Variants in PLD5 observed in about 807,000 individuals in gnomAD.
The protein encoded by PLD5 is inactive phospholipase D5.
A neutral mutation model predicts 61.1 loss-of-function variants in PLD5; 36 were observed. That is an observed-to-expected ratio of 0.59 (90% CI 0.45 to 0.78). The LOEUF (loss-of-function observed/expected upper bound fraction) is 0.78. Among genes scored for constraint, PLD5 ranks in the 30% least tolerant of loss-of-function variants. The pLI, the probability that PLD5 is intolerant of heterozygous loss-of-function variation, is 0.00. For synonymous variants in PLD5, 243 were observed against 242.8 expected (o/e 1.00, Z -0.01); for missense variants, 515 against 644.4 (o/e 0.80, Z 2.17).
intron 5 of PLD5, among the ~76,000 whole-genome samples, chr1:242,204,372 T>C (rs1044351945): frequency 8.5e-5 from 13 of 152,220 alleles, no homozygotes; most frequent in African/African-American, 2.7e-4. Flanking sequence ...AATAAAGCTC[T>C]ATAGCATTCA....
chr1:242,279,193 G>C (rs1674577730), intron 3 of PLD5, among the ~76,000 whole-genome samples: 1 of 152,202 alleles, frequency 6.6e-6, no homozygotes, highest in Non-Finnish European at 1.5e-5. Context: ...GCAATCACAG[G>C]ATTAATTTGA....
At chr1:242,223,565 A>G (rs1001149285) in intron 4 of PLD5, among the ~76,000 whole-genome samples, 13 of 152,204 alleles carry the variant, frequency 8.5e-5, no homozygotes, top group Non-Finnish European at 1.6e-4. Flanking sequence ...ATTCCCATTT[A>G]TTGAATACCT....
chr1:242,510,717 C>T (rs747101222), intron 1 of PLD5, among the ~76,000 whole-genome samples: 22 of 151,854 alleles, frequency 1.4e-4, no homozygotes, highest in African/African-American at 3.9e-4. Context: ...GGGTGGCAGG[C>T]GCCTGTAGTC....
chr1:242,424,678 C>A (rs1039708194), intron 1 of PLD5, among the ~76,000 whole-genome samples: 1 of 152,132 alleles, frequency 6.6e-6, no homozygotes, highest in Non-Finnish European at 1.5e-5. Context: ...TCATGGCCTT[C>A]GTTTAGAAAC....
At chr1:242,395,037 G>GAATATATATGATTATATGAATA (rs1354501458) in intron 1 of PLD5, among the ~76,000 whole-genome samples, 1 of 47,858 alleles carries the variant, frequency 2.1e-5, no homozygotes, top group Non-Finnish European at 3.8e-5. Flanking sequence ...ATATATGAAT[G>GAATATATATGATTATATGAATA]TATATGTATA....
chr1:242,240,431 G>A (rs997363887), intron 4 of PLD5, among the ~76,000 whole-genome samples: 2 of 152,178 alleles, frequency 1.3e-5, no homozygotes, highest in Non-Finnish European at 2.9e-5. Context: ...CACAGTCTGG[G>A]CAGTTAATGA....
intron 5 of PLD5, among the ~76,000 whole-genome samples, chr1:242,159,260 T>C (rs1452106387): frequency 6.6e-6 from 1 of 152,196 alleles, no homozygotes; most frequent in Non-Finnish European, 1.5e-5. Flanking sequence ...AAGATTTCAG[T>C]TGGGTTTGGG....
chr1:242,176,384 T>G (rs141325571), intron 5 of PLD5, among the ~76,000 whole-genome samples: 1 of 152,222 alleles, frequency 6.6e-6, no homozygotes, highest in Non-Finnish European at 1.5e-5. Context: ...GCTAGCCATA[T>G]GCAGAAAACT....
At chr1:242,486,519 T>C (rs957393778) in intron 1 of PLD5, among the ~76,000 whole-genome samples, 1 of 152,188 alleles carries the variant, frequency 6.6e-6, no homozygotes, top group Non-Finnish European at 1.5e-5. Flanking sequence ...AGATACCATC[T>C]CACACCAGTT....
At chr1:242,106,913 C>T (rs1661101108) in intron 8 of PLD5, among the ~76,000 whole-genome samples, 1 of 152,118 alleles carries the variant, frequency 6.6e-6, no homozygotes. Flanking sequence ...TGCACCAAGT[C>T]TGGGGTGGAG....
At chr1:242,122,055 G>A (rs756371363) in intron 6 of PLD5, among the ~76,000 whole-genome samples, 7 of 152,084 alleles carry the variant, frequency 4.6e-5, no homozygotes, top group East Asian at 1.9e-4. Flanking sequence ...AAACCTGCAC[G>A]TTGTGCACAT....
chr1:242,339,207 A>C (rs1167711343), intron 2 of PLD5, among the ~76,000 whole-genome samples: 1 of 152,112 alleles, frequency 6.6e-6, no homozygotes, highest in Non-Finnish European at 1.5e-5. Flanking sequence ...ACTATCACCC[A>C]CTTAAAAAAA....
chr1:242,215,109 T>G (rs1050200285), intron 5 of PLD5, among the ~76,000 whole-genome samples: 22 of 150,340 alleles, frequency 1.5e-4, no homozygotes, highest in Non-Finnish European at 2.2e-4. Flanking sequence ...AGAATGGTCT[T>G]GATCTCCTGA....
At chr1:242,484,537 T>C (rs1558138264) in intron 1 of PLD5, among the ~76,000 whole-genome samples, 1 of 151,330 alleles carries the variant, frequency 6.6e-6, no homozygotes. Flanking sequence ...AATAGACCAA[T>C]AACAGGCTCT....
intron 4 of PLD5, among the ~76,000 whole-genome samples, chr1:242,253,214 G>A (rs1672811563): frequency 6.7e-6 from 1 of 148,638 alleles, no homozygotes; most frequent in Non-Finnish European, 1.5e-5. Flanking sequence ...TCACTGCAGG[G>A]TGGAACTCCT....
chr1:242,153,879 A>G (rs1665136164), intron 5 of PLD5, among the ~76,000 whole-genome samples: 1 of 152,034 alleles, frequency 6.6e-6, no homozygotes, highest in South Asian at 2.1e-4. Context: ...GTTTTTTCCA[A>G]TTTGGTGAAG....
intron 5 of PLD5, among the ~76,000 whole-genome samples, chr1:242,156,159 A>G (rs6689681): frequency 6.6e-6 from 1 of 151,538 alleles, no homozygotes; most frequent in Non-Finnish European, 1.5e-5. Context: ...TTTATTAGAG[A>G]TTAGGATTGC....
chr1:242,384,451 T>A (rs1572026647), intron 1 of PLD5, among the ~76,000 whole-genome samples: 1 of 152,208 alleles, frequency 6.6e-6, no homozygotes, highest in East Asian at 1.9e-4. Flanking sequence ...CACATCAAAT[T>A]TCGTGTCCAA....
intron 9 of PLD5, among the ~76,000 whole-genome samples, chr1:242,096,915 A>AC (rs1254717260): frequency 6.8e-6 from 1 of 147,424 alleles, no homozygotes; most frequent in East Asian, 2.0e-4. Flanking sequence ...CCTCCCCACA[A>AC]CAGCCCCCGG....
Sources: allele counts gnomAD v4.1 joint callset (sites outside exome capture counted in the v4.1 genomes callset), GRCh38; gene constraint gnomAD v4.1.1; transcripts MANE v1.5; gene names NCBI Gene and HGNC (gene_info 2026-07-23, HGNC 2026-07-21).